STPG2: variants seen among roughly 807,000 people sequenced by gnomAD.
STPG2 encodes sperm-tail PG-rich repeat-containing protein 2.
A neutral mutation model predicts 54.2 loss-of-function variants in STPG2; 56 were observed. The observed-to-expected ratio is 1.03, with a 90% CI of 0.83 to 1.29. The LOEUF (loss-of-function observed/expected upper bound fraction) is 1.29. STPG2 is among the 50% of genes most tolerant of loss of function. STPG2 has a pLI of 0.00. For missense variants in STPG2, 596 were observed against 544.9 expected, an observed-to-expected ratio of 1.09 and a Z score of -0.93; for synonymous variants, 200 against 181.8, an observed-to-expected ratio of 1.10 and a Z score of -0.81.
intron 4 of STPG2, among the ~76,000 whole-genome samples, chr4:97,526,713 C>G (rs1731287937): frequency 6.6e-6 from 1 of 152,040 alleles, no homozygotes; most frequent in African/African-American, 2.4e-5. Context: ...GCTTTTGTTG[C>G]CATTGCTTTT....
intron 9 of STPG2, among the ~76,000 whole-genome samples, chr4:97,821,520 C>A (rs1436354104): frequency 6.6e-6 from 1 of 152,302 alleles, no homozygotes; most frequent in East Asian, 1.9e-4. Context: ...AGTGCCCCAG[C>A]GGGGAATCTG....
intron 5 of STPG2, among the ~76,000 whole-genome samples, chr4:97,994,893 C>T (rs1735154064): frequency 6.6e-6 from 1 of 152,084 alleles, no homozygotes; most frequent in Non-Finnish European, 1.5e-5. Context: ...TCTTCAGCTA[C>T]AAGGGCAGGT....
chr4:97,614,282 T>G (rs1233445564), intron 10 of STPG2, among the ~76,000 whole-genome samples: 1 of 145,424 alleles, frequency 6.9e-6, no homozygotes, highest in African/African-American at 2.6e-5. Flanking sequence ...AAGAAAAATA[T>G]GTGCCCTCTA....
At chr4:97,500,444 T>C (rs1307987558) in intron 4 of STPG2, among the ~76,000 whole-genome samples, 1 of 151,898 alleles carries the variant, frequency 6.6e-6, no homozygotes, top group Non-Finnish European at 1.5e-5. Context: ...CAAATGGAGA[T>C]TTGATGTGTG....
chr4:97,943,025 T>A (rs1733049324), intron 8 of STPG2, among the ~76,000 whole-genome samples: 1 of 152,128 alleles, frequency 6.6e-6, no homozygotes, highest in African/African-American at 2.4e-5. Context: ...TTCTCACAGG[T>A]CTGCAGGCTG....
intron 9 of STPG2, among the ~76,000 whole-genome samples, chr4:97,773,994 G>GGTGT (rs34968031): frequency 0.36 from 53,264 of 147,102 alleles, 10,018 homozygotes; most frequent in East Asian, 0.53. Context: ...TAAAATATAG[G>GGTGT]GTGTGTGTGT....
rs533954333 is a variant in STPG2 at position 97,680,379 on chromosome 4, C to T, written c.1320+32320G>A. On this transcript the variant is annotated intron_variant, in intron 10 of 10. Coordinates refer to ENST00000295268, the MANE Select transcript of STPG2 (RefSeq NM_174952.3). Reference sequence around the variant, plus strand: ...GTTGGATTCCTAGGTATTTTATTCTCGTTGAAGCAATTGTGAATGGGAGTT... The same window carrying T: ...GTTGGATTCCTAGGTATTTTATTCTTGTTGAAGCAATTGTGAATGGGAGTT... Among the ~76,000 whole-genome samples, 100 of 152,018 alleles carry T rather than the reference C, an allele frequency of 6.6e-4. No individual in the cohort carries two copies. In the East Asian group the frequency reaches 0.017, roughly 25 times the overall value.
At chr4:97,997,819 G>T (rs186990965) in intron 5 of STPG2, among the ~76,000 whole-genome samples, 1 of 151,862 alleles carries the variant, frequency 6.6e-6, no homozygotes, top group Non-Finnish European at 1.5e-5. Flanking sequence ...GAATACATAC[G>T]GACACAAAAA....
At chr4:98,052,059 C>T (rs1737339540) in intron 5 of STPG2, among the ~76,000 whole-genome samples, 1 of 121,500 alleles carries the variant, frequency 8.2e-6, no homozygotes, top group South Asian at 2.8e-4. Flanking sequence ...TGCACTCCAG[C>T]CTGGGCCACG....
At chr4:98,090,650 A>T (rs1418808206) in intron 5 of STPG2, among the ~76,000 whole-genome samples, 4 of 152,024 alleles carry the variant, frequency 2.6e-5, no homozygotes, top group Admixed American at 2.6e-4. Flanking sequence ...TTTGCGCAAC[A>T]TGGTTATTTT....
chr4:97,605,549 TTAA>T (rs1336902121), intron 10 of STPG2, among the ~76,000 whole-genome samples: 1 of 151,780 alleles, frequency 6.6e-6, no homozygotes, highest in Non-Finnish European at 1.5e-5. Context: ...CCACTTATTA[TTAA>T]TATCATTTTA....
At chr4:97,769,235 A>G (rs1009930104) in intron 9 of STPG2, among the ~76,000 whole-genome samples, 1 of 152,228 alleles carries the variant, frequency 6.6e-6, no homozygotes, top group South Asian at 2.1e-4. Context: ...GCACTCTTCC[A>G]CTTTTGCCAA....
At chr4:97,523,619 A>G (rs1008317387) in intron 4 of STPG2, among the ~76,000 whole-genome samples, 4 of 151,978 alleles carry the variant, frequency 2.6e-5, no homozygotes, top group Non-Finnish European at 5.9e-5. Context: ...ATGGTTTTCT[A>G]TGCAACTACT....
At chr4:97,897,400 AT>A (rs1730997125) in intron 8 of STPG2, among the ~76,000 whole-genome samples, 2 of 152,066 alleles carry the variant, frequency 1.3e-5, no homozygotes, top group African/African-American at 4.8e-5. Flanking sequence ...AGAATGATTT[AT>A]ATTCCTTTGG....
At chr4:98,012,431 C>A (rs1306490507) in intron 5 of STPG2, among the ~76,000 whole-genome samples, 1 of 151,948 alleles carries the variant, frequency 6.6e-6, no homozygotes. Context: ...TTGGCTATAC[C>A]AGCTCTTTTT....
intron 5 of STPG2, among the ~76,000 whole-genome samples, chr4:97,997,123 G>A (rs1223509468): frequency 6.6e-6 from 1 of 152,170 alleles, no homozygotes; most frequent in Non-Finnish European, 1.5e-5. Context: ...ATTCTACTAT[G>A]AAGACACATG....
At chr4:97,950,269 TA>T (rs1223486328) in intron 7 of STPG2, among the ~76,000 whole-genome samples, 2 of 152,114 alleles carry the variant, frequency 1.3e-5, no homozygotes, top group African/African-American at 4.8e-5. Context: ...CATAATCTAT[TA>T]TTTCCTGGAA....
At chr4:98,020,673 C>T (rs36131243) in intron 5 of STPG2, among the ~76,000 whole-genome samples, 59,772 of 151,666 alleles carry the variant, frequency 0.39, 12,012 homozygotes, top group Middle Eastern at 0.46. Context: ...TGGTAAGCTA[C>T]TGATTATTCC....
At chr4:98,075,007 T>A (rs1179346098) in intron 5 of STPG2, among the ~76,000 whole-genome samples, 1 of 152,224 alleles carries the variant, frequency 6.6e-6, no homozygotes. Flanking sequence ...TGTCTTGAGG[T>A]TAAATAGGGG....
Sources: gnomAD v4.1 joint callset for allele counts (sites outside exome capture counted in the v4.1 genomes callset) on GRCh38, gnomAD v4.1.1 for gene constraint, MANE v1.5 for transcripts, NCBI Gene and HGNC (gene_info 2026-07-23, HGNC 2026-07-21) for gene names.